The following SYNE2 variants were observed in gnomAD, a reference collection of about 807,000 sequenced individuals.
SYNE2 encodes nesprin-2.
SYNE2 carries 431 observed loss-of-function variants against 856.3 expected under a neutral mutation model. The ratio of observed to expected loss-of-function variants is 0.50; its 90% CI spans 0.47 to 0.55. The LOEUF is 0.55. SYNE2 is among the 20% of genes least tolerant of loss of function. The probability of loss-of-function intolerance (pLI) is 0.00; values close to 1 mark genes in which losing one functional copy is unlikely to be tolerated. For synonymous variants in SYNE2, 2,923 were observed against 2,872.3 expected (o/e 1.02, Z -0.56); for missense variants, 8,129 against 8,023.2 (o/e 1.01, Z -0.50).
intron 63 of SYNE2, chr14:64,099,599 A>G (rs960322943): frequency 3.9e-5 from 6 of 152,272 alleles, no homozygotes; most frequent in African/African-American, 1.4e-4. Context: ...AACTACGAAA[A>G]TAATGGAGGG....
intron 96 of SYNE2, among the ~76,000 whole-genome samples, chr14:64,180,650 C>T (rs1217072675): frequency 6.6e-6 from 1 of 151,988 alleles, no homozygotes; most frequent in Non-Finnish European, 1.5e-5. Context: ...ATTATAGGCA[C>T]CCGCCACCAC....
intron 1 of SYNE2, among the ~76,000 whole-genome samples, chr14:63,836,524 G>C (rs1204277809): frequency 6.6e-6 from 1 of 151,982 alleles, no homozygotes; most frequent in Non-Finnish European, 1.5e-5. Flanking sequence ...GAAAAATAAA[G>C]GTTACTTATT....
At chr14:64,122,918 G>A (rs1168863005) in intron 70 of SYNE2, among the ~76,000 whole-genome samples, 2 of 152,002 alleles carry the variant, frequency 1.3e-5, no homozygotes, top group African/African-American at 2.4e-5. Flanking sequence ...GCCTCAACAT[G>A]GAGAAACCCT....
chr14:64,033,018 A>G (rs1320268676), intron 45 of SYNE2, among the ~76,000 whole-genome samples: 3 of 151,944 alleles, frequency 2.0e-5, no homozygotes, highest in Non-Finnish European at 4.4e-5. Context: ...AAAATTAAAA[A>G]TTAGCTGGGC....
intron 105 of SYNE2, among the ~76,000 whole-genome samples, chr14:64,213,714 G>A (rs2098653024): frequency 6.6e-6 from 1 of 152,048 alleles, no homozygotes; most frequent in African/African-American, 2.4e-5. Flanking sequence ...TTCTTAGACT[G>A]AAAGAGACGT....
chr14:64,220,346 G>A (rs1238070827), intron 110 of SYNE2, 91 bp from the exon 111 acceptor site: 2 of 1,392,372 alleles, frequency 1.4e-6, no homozygotes, highest in African/African-American at 1.4e-5. Context: ...TTGGAAAAGT[G>A]TGTGGAAAAT....
intron 8 of SYNE2, among the ~76,000 whole-genome samples, chr14:63,957,726 G>A (rs982579213): frequency 1.3e-5 from 2 of 152,098 alleles, no homozygotes; most frequent in African/African-American, 4.8e-5. Flanking sequence ...AATTAGCCGG[G>A]TGTGGTGGTG....
At chr14:64,077,023 TAAATGTTATGCTCATGAATACTTATGA>T (rs1314160172) in intron 54 of SYNE2, among the ~76,000 whole-genome samples, 7 of 152,168 alleles carry the variant, frequency 4.6e-5, no homozygotes, top group Admixed American at 4.6e-4. Context: ...TGAGAGAAAC[TAAATGTTATGCTCATGAATACTTATGA>T]AAATCCCTAG....
At chr14:64,022,502 G>A (rs2096942990) in intron 37 of SYNE2, among the ~76,000 whole-genome samples, 1 of 152,076 alleles carries the variant, frequency 6.6e-6, no homozygotes, top group Non-Finnish European at 1.5e-5. Flanking sequence ...GGAGGCCAAG[G>A]CGGGTGGATT....
intron 1 of SYNE2, among the ~76,000 whole-genome samples, chr14:63,868,535 A>G (rs916171919): frequency 6.6e-6 from 1 of 152,178 alleles, no homozygotes; most frequent in Admixed American, 6.5e-5. Flanking sequence ...CCTGATATCA[A>G]ATACCTAGGT....
chr14:63,893,577 C>T (rs868568347), intron 1 of SYNE2, among the ~76,000 whole-genome samples: 1 of 152,090 alleles, frequency 6.6e-6, no homozygotes, highest in Non-Finnish European at 1.5e-5. Context: ...AAAAGAGAAA[C>T]TTTCTTCAAC....
intron 1 of SYNE2, among the ~76,000 whole-genome samples, chr14:63,775,651 G>A (rs555828865): frequency 6.6e-6 from 1 of 152,152 alleles, no homozygotes; most frequent in South Asian, 2.1e-4. Flanking sequence ...TGTTACCACG[G>A]CTCACTGCAG....
chr14:64,225,922 C>T lies in SYNE2; in HGVS notation c.*396C>T, dbSNP rs2098716700. On this transcript the variant is annotated 3_prime_UTR_variant, in exon 116 of 116. Coordinates refer to ENST00000555002, the MANE Select transcript of SYNE2 (RefSeq NM_182914.3). ...ATAGAAGCAAGCGAGGACATTCCACCCTAGAAATGGTTCAGAAACTCATAG... is the reference window on the plus strand; with the variant it reads ...ATAGAAGCAAGCGAGGACATTCCACTCTAGAAATGGTTCAGAAACTCATAG... The T allele has an allele frequency of 2.5e-6, 1 of 403,336 alleles. No homozygotes were observed. Among genetic ancestry groups the T allele is most frequent in the Non-Finnish European group, 4.5e-6 (1 of 222,768 alleles). The allele number at this position is 403,336 out of a possible 1,614,324, so 25.0% of individuals were successfully genotyped here.
rs371741437 is a variant in SYNE2, at chr14:64,036,156, G to C, written c.7221+4799G>C. ...ATGGATACCTTGTCATATAATCCTG[G>C]CATTTGTTTCAAAGTTTCTTTTTCC... On this transcript the variant is annotated intron_variant, in intron 45 of 115. Transcript: ENST00000555002. Among the ~76,000 whole-genome samples, 14 of 150,882 alleles carry C rather than the reference G, an allele frequency of 9.3e-5. 1 individual carries two copies. Among genetic ancestry groups the C allele is most frequent in the African/African-American group, 3.2e-4 (13 of 41,048 alleles).
At chr14:63,948,159 A>G (rs2096065817) in intron 6 of SYNE2, among the ~76,000 whole-genome samples, 1 of 96,896 alleles carries the variant, frequency 1.0e-5, no homozygotes, top group Non-Finnish European at 2.3e-5. Flanking sequence ...ACACACAGAC[A>G]CACACATACA....
At chr14:64,026,880 A>G (rs2096984313) in intron 42 of SYNE2, 150 bp downstream of exon 42, 9 of 837,148 alleles carry the variant, frequency 1.1e-5, no homozygotes, top group Non-Finnish European at 1.6e-5. Flanking sequence ...CAAGAGACAG[A>G]AACCAAAACC....
At chr14:63,816,826 C>T (rs1025330339) in intron 1 of SYNE2, among the ~76,000 whole-genome samples, 34 of 152,122 alleles carry the variant, frequency 2.2e-4, no homozygotes, top group African/African-American at 7.0e-4. Context: ...AAGAGATCCT[C>T]GTGTCTCAGC....
chr14:63,872,077 G>C (rs1032649780), intron 1 of SYNE2, among the ~76,000 whole-genome samples: 1 of 152,104 alleles, frequency 6.6e-6, no homozygotes, highest in African/African-American at 2.4e-5. Flanking sequence ...TGTGGGCCCG[G>C]CCGTGTCAAG....
intron 1 of SYNE2, among the ~76,000 whole-genome samples, chr14:63,803,533 C>T (rs1040760924): frequency 6.6e-6 from 1 of 152,244 alleles, no homozygotes; most frequent in African/African-American, 2.4e-5. Flanking sequence ...TTGCCCGGGG[C>T]AGCAGGGCTG....
Sources: gnomAD v4.1 joint callset for allele counts (sites outside exome capture counted in the v4.1 genomes callset) on GRCh38, gnomAD v4.1.1 for gene constraint, MANE v1.5 for transcripts, NCBI Gene and HGNC (gene_info 2026-07-23, HGNC 2026-07-21) for gene names.